The following CDK6 variants were observed in gnomAD, a reference collection of about 807,000 sequenced individuals.
The protein encoded by CDK6 is cyclin-dependent kinase 6.
Under a neutral mutation model 37.1 loss-of-function variants are expected in CDK6, and 6 were observed. The ratio of observed to expected loss-of-function variants is 0.16; its 90% CI spans 0.09 to 0.32. The LOEUF (loss-of-function observed/expected upper bound fraction) is 0.32, where lower values mean the gene tolerates loss of function less well. Among genes scored for constraint, CDK6 ranks in the 10% least tolerant of loss-of-function variants. CDK6 has a pLI of 1.00. For synonymous variants in CDK6, 160 were observed against 161.3 expected (o/e 0.99, Z 0.06); for missense variants, 224 against 418.9 (o/e 0.53, Z 4.06).
intron 4 of CDK6, among the ~76,000 whole-genome samples, chr7:92,687,507 T>C (rs1451031918): frequency 1.3e-5 from 2 of 152,204 alleles, no homozygotes; most frequent in Non-Finnish European, 2.9e-5. Flanking sequence ...AATCCATGTG[T>C]TTGTGTAATT....
chr7:92,684,085 A>T (rs1036247277), intron 4 of CDK6, among the ~76,000 whole-genome samples: 1 of 152,176 alleles, frequency 6.6e-6, no homozygotes, highest in Non-Finnish European at 1.5e-5. Context: ...AATTAACTTT[A>T]TCTGTTGTCT....
chr7:92,786,696 T>C (rs1050114862), intron 2 of CDK6, among the ~76,000 whole-genome samples: 1 of 149,084 alleles, frequency 6.7e-6, no homozygotes, highest in African/African-American at 2.4e-5. Flanking sequence ...ATTGTATATA[T>C]ACACACACAT....
chr7:92,752,046 C>A (rs999667890), intron 3 of CDK6, among the ~76,000 whole-genome samples: 6 of 152,092 alleles, frequency 3.9e-5, no homozygotes, highest in Admixed American at 6.5e-5. Context: ...ATGGGTTGTG[C>A]AAGAGTCACA....
intron 6 of CDK6, among the ~76,000 whole-genome samples, chr7:92,618,709 T>C (rs1190223198): frequency 6.6e-6 from 1 of 152,188 alleles, no homozygotes; most frequent in Non-Finnish European, 1.5e-5. Flanking sequence ...AGCAATTCCC[T>C]ACATATTAAA....
At position 92,606,884 on chromosome 7, in the gene CDK6, C is replaced by T. The variant is rs1795441917; in HGVS notation, c.*8256G>A. ...ATTTTTCTTTTCTTAACACATACTG[C>T]TCTTCTATACCAAACACTTGCCCTT... On this transcript the variant is annotated 3_prime_UTR_variant, in exon 8 of 8. Coordinates refer to ENST00000424848, the MANE Select transcript of CDK6 (RefSeq NM_001145306.2). 4.3e-6 allele frequency: 1 copy of T among 232,932 alleles called. No homozygotes were observed. Among genetic ancestry groups the T allele is most frequent in the Non-Finnish European group, 8.5e-6 (1 of 117,886 alleles). The allele number at this position is 232,932 out of a possible 1,614,324, so 14.4% of individuals were successfully genotyped here.
rs142950243 is a variant in CDK6 at position 92,661,161 on chromosome 7, A to T, written c.647+10265T>A. On this transcript the variant is annotated intron_variant, in intron 5 of 7. Coordinates refer to ENST00000424848, the MANE Select transcript of CDK6 (RefSeq NM_001145306.2). Reference sequence around the variant, plus strand: ...GAGGAGGCTCCTGGATGCAATGATGAGGAGGTCACCATCAACCTCTAATAT... The same window carrying T: ...GAGGAGGCTCCTGGATGCAATGATGTGGAGGTCACCATCAACCTCTAATAT... 2.9e-3 allele frequency among the ~76,000 whole-genome samples: 444 copies of T among 152,308 alleles called. 2 individuals are homozygous for T. The highest frequency in any genetic ancestry group is 0.01 in the African/African-American group (419 of 41,564).
intron 4 of CDK6, chr7:92,710,710 G>C: frequency 1.0e-6 from 1 of 985,434 alleles, no homozygotes; most frequent in South Asian, 4.7e-5. Flanking sequence ...CCTAGGAAAG[G>C]AGAAGCTGAT....
chr7:92,614,318 G>C lies in CDK6; in HGVS notation c.*822C>G, dbSNP rs922737491. 5 of 232,508 alleles carry C rather than the reference G, an allele frequency of 2.2e-5. No individual in the cohort carries two copies. Among genetic ancestry groups the C allele is most frequent in the Non-Finnish European group, 4.2e-5 (5 of 117,888 alleles). The allele number at this position is 232,508 out of a possible 1,614,324, so 14.4% of individuals were successfully genotyped here. A position where few individuals can be genotyped will look rare whatever the true frequency, so the allele number is the denominator to read the frequency against. On this transcript the variant is annotated 3_prime_UTR_variant, in exon 8 of 8. Coordinates refer to ENST00000424848, the MANE Select transcript of CDK6 (RefSeq NM_001145306.2). ...CTAAACCTATAGCAAGTAATAAAAA[G>C]CTTACAGGCTATTTTCCAAAAGAAA...
At chr7:92,832,741 C>T (rs1330321605) in intron 2 of CDK6, among the ~76,000 whole-genome samples, 2 of 152,172 alleles carry the variant, frequency 1.3e-5, no homozygotes, top group Non-Finnish European at 2.9e-5. Context: ...CGGGGGCTAG[C>T]GGGGCATGTC....
At position 92,738,009 on chromosome 7, in the gene CDK6, C is replaced by G. The variant is rs548828296; in HGVS notation, c.370-12216G>C. Among the ~76,000 whole-genome samples, 146 of 152,196 alleles carry G rather than the reference C, an allele frequency of 9.6e-4. 2 individuals carry two copies. The highest frequency in any genetic ancestry group is 2.2e-4 in the Non-Finnish European group (15 of 68,046). On this transcript the variant is annotated intron_variant, in intron 3 of 7. Transcript: ENST00000424848. ...TCTGTTTTGGGTAGAGTTGCACGCA[C>G]AGCTGCTTATGGGGACTCCATAGAG...
At chr7:92,679,544 T>C (rs1230183079) in intron 4 of CDK6, among the ~76,000 whole-genome samples, 1 of 152,188 alleles carries the variant, frequency 6.6e-6, no homozygotes, top group Non-Finnish European at 1.5e-5. Context: ...CTTCAGAATC[T>C]TTATTTTGTC....
chr7:92,764,998 G>A (rs1472245253), intron 3 of CDK6, among the ~76,000 whole-genome samples: 6 of 151,942 alleles, frequency 3.9e-5, no homozygotes, highest in African/African-American at 4.8e-5. Flanking sequence ...AAATTTCTGG[G>A]TAAGAATGAT....
chr7:92,806,376 CTTTTG>C (rs1445028776), intron 2 of CDK6, among the ~76,000 whole-genome samples: 1 of 152,130 alleles, frequency 6.6e-6, no homozygotes, highest in Non-Finnish European at 1.5e-5. Context: ...CTGAAGTGAT[CTTTTG>C]TTTTGTCAGT....
chr7:92,642,528 A>G (rs536086483), intron 5 of CDK6, among the ~76,000 whole-genome samples: 4 of 152,296 alleles, frequency 2.6e-5, no homozygotes, highest in Admixed American at 2.6e-4. Context: ...ACCTCTGAGA[A>G]GAAGCCATCC....
At chr7:92,818,988 A>G (rs1386497107) in intron 2 of CDK6, among the ~76,000 whole-genome samples, 1 of 152,088 alleles carries the variant, frequency 6.6e-6, no homozygotes, top group Non-Finnish European at 1.5e-5. Flanking sequence ...TGGAACAACC[A>G]GTTTGGAGAA....
At chr7:92,713,147 C>G (rs1362585339) in intron 4 of CDK6, among the ~76,000 whole-genome samples, 1 of 152,198 alleles carries the variant, frequency 6.6e-6, no homozygotes, top group African/African-American at 2.4e-5. Context: ...GTGTGAGCCA[C>G]TGCGCCCGGT....
chr7:92,615,865 T>C (rs1171957326), intron 7 of CDK6, among the ~76,000 whole-genome samples: 3 of 152,162 alleles, frequency 2.0e-5, no homozygotes, highest in African/African-American at 7.2e-5. Flanking sequence ...GCTACTGAGG[T>C]AGAAGGTGAA....
At chr7:92,791,323 TGACAGAACA>T (rs1418983539) in intron 2 of CDK6, among the ~76,000 whole-genome samples, 15 of 152,186 alleles carry the variant, frequency 9.9e-5, no homozygotes, top group African/African-American at 3.6e-4. Context: ...TTTACAGCTC[TGACAGAACA>T]TTGCCAACTA....
chr7:92,668,714 C>T (rs994646315), intron 5 of CDK6, among the ~76,000 whole-genome samples: 1 of 152,142 alleles, frequency 6.6e-6, no homozygotes, highest in African/African-American at 2.4e-5. Context: ...AATCAGGAGT[C>T]AAGTCAGAAC....
Sources: gnomAD v4.1 joint callset for allele counts (sites outside exome capture counted in the v4.1 genomes callset) on GRCh38, gnomAD v4.1.1 for gene constraint, MANE v1.5 for transcripts, NCBI Gene and HGNC (gene_info 2026-07-23, HGNC 2026-07-21) for gene names.